GNB1L: variants seen among roughly 807,000 people sequenced by gnomAD.
The protein encoded by GNB1L is G protein subunit beta 1 like, also known as guanine nucleotide-binding protein subunit beta-like protein 1.
GNB1L carries 20 observed loss-of-function variants against 29.1 expected under a neutral mutation model. The observed-to-expected ratio is 0.69, with a 90% CI of 0.48 to 1.00. GNB1L has a LOEUF of 1.00. Ranked by LOEUF, GNB1L falls within the 50% of genes least tolerant of loss-of-function variation. The probability of loss-of-function intolerance (pLI) is 0.00; values close to 1 mark genes in which losing one functional copy is unlikely to be tolerated. For missense variants in GNB1L, 421 were observed against 464.9 expected (o/e 0.91, Z 0.87); for synonymous variants, 193 against 206.5 (o/e 0.93, Z 0.56).
At position 19,807,322 on chromosome 22, in the gene GNB1L, T is replaced by C. The variant is rs755788518; in HGVS notation, c.418-565A>G. Among the ~76,000 whole-genome samples, 11 of 152,046 alleles carry C rather than the reference T, an allele frequency of 7.2e-5. No individual in the cohort carries two copies. The South Asian group carries it at 2.3e-3, about 32-fold the overall frequency. The stretch of plus-strand genomic sequence containing the variant: ...AGATGTGCCATGCCGGCTTGTGGGG[T>C]GTAGGCTCGCTGGTCACACATCTCC... On this transcript the variant is annotated intron_variant, in intron 5 of 7. Coordinates refer to ENST00000329517, the MANE Select transcript of GNB1L (RefSeq NM_053004.3).
At chr22:19,847,604 A>G in intron 2 of GNB1L, 1 of 980,168 alleles carries the variant, frequency 1.0e-6, no homozygotes, top group African/African-American at 1.8e-5. Context: ...CTAAACCCCC[A>G]TGTAGTGGTA....
chr22:19,792,867 C>T lies in GNB1L; in HGVS notation c.733-3907G>A, dbSNP rs193152109. ...TATCAAGGGGAAGGCAAGACTGGGA[C>T]GTCTAGTCCACAGGAAGACCTGCAC... On this transcript the variant is annotated intron_variant, in intron 7 of 7. Transcript: ENST00000329517. 66 of 1,136,424 alleles carry T rather than the reference C, an allele frequency of 5.8e-5. No individual in the cohort carries two copies. In the Admixed American group the frequency reaches 1.0e-3, roughly 18 times the overall value. The allele number at this position is 1,136,424 out of a possible 1,614,324, so 70.4% of individuals were successfully genotyped here.
intron 2 of GNB1L, chr22:19,852,530 C>T (rs1018942419): frequency 1.0e-4 from 48 of 476,704 alleles, no homozygotes; most frequent in African/African-American, 6.2e-4. Context: ...TAGGCCTAAC[C>T]ATCACCCACT....
At chr22:19,842,918 G>A (rs1378502009) in intron 2 of GNB1L, among the ~76,000 whole-genome samples, 1 of 152,218 alleles carries the variant, frequency 6.6e-6, no homozygotes, top group Non-Finnish European at 1.5e-5. Context: ...TCCCTGTCCT[G>A]AGCACGGGAA....
rs1937185702 is a variant in GNB1L, at chr22:19,785,604, G to A, written c.*3105C>T. 1 of 152,242 alleles carries A rather than the reference G, an allele frequency of 6.6e-6. No homozygotes were observed. 9.4% of individuals were successfully genotyped at this position (152,242 alleles called of 1,614,324 possible). On this transcript the variant is annotated 3_prime_UTR_variant, in exon 8 of 8. Coordinates refer to ENST00000329517, the MANE Select transcript of GNB1L (RefSeq NM_053004.3). This position sits in a 1 kb window ranked among gnomAD's most constrained non-coding sequence, Gnocchi z 4.1. Reference sequence around the variant, plus strand: ...CTCCCAGTTGGTGGGTTGGCCAGGGGCGTGATGGCAGCGACCAGCCATGCT... The same window carrying A: ...CTCCCAGTTGGTGGGTTGGCCAGGGACGTGATGGCAGCGACCAGCCATGCT...
At chr22:19,852,287 G>C (rs776295398) in intron 2 of GNB1L, 1 of 1,580,186 alleles carries the variant, frequency 6.3e-7, no homozygotes, top group Admixed American at 1.7e-5. Context: ...GAGAAGAGAG[G>C]AGAGCCAGCA....
rs1451463867 is a variant in GNB1L, at chr22:19,785,581, C to A, written c.*3128G>T. On this transcript the variant is annotated 3_prime_UTR_variant, in exon 8 of 8. Transcript: ENST00000329517. The surrounding 1 kb of genome is among the most constrained non-coding windows in gnomAD (Gnocchi z 4.1). ...AGGAAGATGTGGAAGGGCTGCCTCT[C>A]CCAGTTGGTGGGTTGGCCAGGGGCG... is the stretch of plus-strand genomic sequence containing the variant. 6.6e-6 allele frequency: 1 copy of A among 152,278 alleles called. No individual in the cohort carries two copies. The highest frequency in any genetic ancestry group is 1.5e-5 in the Non-Finnish European group (1 of 68,074). The allele number at this position is 152,278 out of a possible 1,614,324, so 9.4% of individuals were successfully genotyped here. A position where few individuals can be genotyped will look rare whatever the true frequency, so the allele number is the denominator to read the frequency against.
rs980787054 is a variant in GNB1L, at chr22:19,785,825, G to C, written c.*2884C>G. The C allele has an allele frequency of 2.8e-5, 4 of 144,148 alleles. No individual in the cohort carries two copies. Among genetic ancestry groups the C allele is most frequent in the African/African-American group, 1.0e-4 (4 of 39,612 alleles). The allele number at this position is 144,148 out of a possible 1,614,324, so 8.9% of individuals were successfully genotyped here. A position where few individuals can be genotyped will look rare whatever the true frequency, so the allele number is the denominator to read the frequency against. ...GCATCTTTTCCAAGCTGGATGTCTG[G>C]AGCTGAGACCGTTTCTTCTTCTGTT... On this transcript the variant is annotated 3_prime_UTR_variant, in exon 8 of 8. Coordinates refer to ENST00000329517, the MANE Select transcript of GNB1L (RefSeq NM_053004.3). The surrounding 1 kb of genome is among the most constrained non-coding windows in gnomAD (Gnocchi z 4.1).
chr22:19,832,084 C>CT (rs1937688787), intron 2 of GNB1L, among the ~76,000 whole-genome samples: 1 of 152,168 alleles, frequency 6.6e-6, no homozygotes. Context: ...AATCCCAGCA[C>CT]TTTGGGAGGC....
chr22:19,843,059 C>A (rs1410659566), intron 2 of GNB1L, among the ~76,000 whole-genome samples: 1 of 152,238 alleles, frequency 6.6e-6, no homozygotes, highest in South Asian at 2.1e-4. Context: ...AGGCCCTGTT[C>A]CCCTTTGAAG....
chr22:19,843,768 C>T (rs146119131), intron 2 of GNB1L, among the ~76,000 whole-genome samples: 3 of 152,322 alleles, frequency 2.0e-5, no homozygotes, highest in East Asian at 1.9e-4. Context: ...GCCATAGACA[C>T]GATTTCCATA....
At chr22:19,837,157 G>A (rs1276466773) in intron 2 of GNB1L, among the ~76,000 whole-genome samples, 2 of 151,974 alleles carry the variant, frequency 1.3e-5, no homozygotes, top group African/African-American at 4.8e-5. Flanking sequence ...TAGTAGAGAC[G>A]GGGTCTCACC....
intron 4 of GNB1L, among the ~76,000 whole-genome samples, chr22:19,817,550 G>A (rs1026061368): frequency 1.3e-5 from 2 of 152,232 alleles, no homozygotes; most frequent in Non-Finnish European, 2.9e-5. Context: ...AACACACGGA[G>A]CTCACGGAGA....
At chr22:19,812,914 T>C (rs1178311052) in intron 4 of GNB1L, among the ~76,000 whole-genome samples, 1 of 146,868 alleles carries the variant, frequency 6.8e-6, no homozygotes, top group African/African-American at 2.7e-5. Context: ...AAAATAACTG[T>C]GCAGAAACTG....
chr22:19,817,369 T>C (rs971868661), intron 4 of GNB1L, among the ~76,000 whole-genome samples: 1 of 152,130 alleles, frequency 6.6e-6, no homozygotes, highest in Non-Finnish European at 1.5e-5. Flanking sequence ...TTATCCCAGC[T>C]ACTCGGGAGG....
intron 2 of GNB1L, among the ~76,000 whole-genome samples, chr22:19,834,691 A>G (rs1388395035): frequency 6.6e-6 from 1 of 152,256 alleles, no homozygotes; most frequent in African/African-American, 2.4e-5. Flanking sequence ...CATTAAAAAC[A>G]TAACACAAAG....
intron 2 of GNB1L, 97 bp from the exon 3 acceptor site, chr22:19,821,472 C>A (rs1163310071): frequency 8.3e-7 from 1 of 1,199,302 alleles, no homozygotes; most frequent in Non-Finnish European, 1.2e-6. Flanking sequence ...GTTGCCCCTG[C>A]TCATTGTCTC....
chr22:19,823,392 C>G (rs549530139), intron 2 of GNB1L, among the ~76,000 whole-genome samples: 1 of 152,188 alleles, frequency 6.6e-6, no homozygotes, highest in Admixed American at 6.5e-5. Context: ...GCAGCCAGGC[C>G]GGGGGCTGGA....
chr22:19,792,516 A>C, intron 7 of GNB1L: 1 of 1,547,542 alleles, frequency 6.5e-7, no homozygotes, highest in Non-Finnish European at 8.8e-7. Flanking sequence ...TAAGCGGCTG[A>C]AAGTGCCTCC....
Sources: allele counts gnomAD v4.1 joint callset (sites outside exome capture counted in the v4.1 genomes callset), GRCh38; gene constraint gnomAD v4.1.1; non-coding constraint Gnocchi (gnomAD v3.1); transcripts MANE v1.5; gene names NCBI Gene and HGNC (gene_info 2026-07-23, HGNC 2026-07-21).